Variants in PRKCA observed in about 807,000 individuals in gnomAD.
The protein encoded by PRKCA is protein kinase C alpha type.
A neutral mutation model predicts 87.0 loss-of-function variants in PRKCA; 27 were observed. That is an observed-to-expected ratio of 0.31 (90% CI 0.23 to 0.43). The LOEUF is 0.43. Ranked by LOEUF, PRKCA falls within the 20% of genes least tolerant of loss-of-function variation. The pLI is 1.00. For synonymous variants in PRKCA, 329 were observed against 311.1 expected (o/e 1.06, Z -0.61); for missense variants, 518 against 852.3 (o/e 0.61, Z 4.88).
intron 2 of PRKCA, among the ~76,000 whole-genome samples, chr17:66,321,797 G>A (rs1905683860): frequency 1.3e-5 from 2 of 152,128 alleles, no homozygotes; most frequent in South Asian, 4.1e-4. Flanking sequence ...ACCCGCCTCA[G>A]CCTCCCAAAG....
At chr17:66,676,184 C>T (rs1297994651) in intron 5 of PRKCA, among the ~76,000 whole-genome samples, 9 of 152,124 alleles carry the variant, frequency 5.9e-5, no homozygotes, top group East Asian at 3.9e-4. Flanking sequence ...AAAGTAGAGA[C>T]GCAAACAAAC....
At chr17:66,484,245 A>G (rs558264998) in intron 2 of PRKCA, among the ~76,000 whole-genome samples, 1 of 152,302 alleles carries the variant, frequency 6.6e-6, no homozygotes, top group South Asian at 2.1e-4. Context: ...CGTGGGAATT[A>G]TTTGAGCTAC....
chr17:66,532,737 A>G (rs773347222), intron 3 of PRKCA, among the ~76,000 whole-genome samples: 25 of 152,250 alleles, frequency 1.6e-4, no homozygotes, highest in Non-Finnish European at 3.1e-4. Context: ...ACTCACTAGA[A>G]TTCCTTCCAC....
chr17:66,624,826 AAAG>A (rs368402834), intron 3 of PRKCA, among the ~76,000 whole-genome samples: 16 of 151,426 alleles, frequency 1.1e-4, no homozygotes, highest in Admixed American at 8.5e-4. Context: ...AAATAAATAA[AAAG>A]AATTATTTGC....
At chr17:66,633,492 CA>C (rs1971077348) in intron 3 of PRKCA, among the ~76,000 whole-genome samples, 2 of 152,132 alleles carry the variant, frequency 1.3e-5, no homozygotes, top group East Asian at 3.9e-4. Context: ...ATGGTGACAG[CA>C]GAGAATTTCC....
chr17:66,485,328 T>TA (rs1915948501), intron 2 of PRKCA, among the ~76,000 whole-genome samples: 1 of 152,132 alleles, frequency 6.6e-6, no homozygotes. Context: ...TCCTGAAAGG[T>TA]ACATTGCTTC....
chr17:66,783,465 A>G (rs1736124904), intron 14 of PRKCA, among the ~76,000 whole-genome samples: 1 of 152,152 alleles, frequency 6.6e-6, no homozygotes, highest in Non-Finnish European at 1.5e-5. Flanking sequence ...CTTGACAGTA[A>G]AAGTCCTCCT....
chr17:66,607,013 T>C (rs1970228628), intron 3 of PRKCA, among the ~76,000 whole-genome samples: 1 of 152,208 alleles, frequency 6.6e-6, no homozygotes, highest in Admixed American at 6.5e-5. Flanking sequence ...GGTGGAGTTC[T>C]GGGAAATTTT....
intron 2 of PRKCA, among the ~76,000 whole-genome samples, chr17:66,381,694 A>G (rs1214177190): frequency 6.6e-6 from 1 of 152,230 alleles, no homozygotes; most frequent in African/African-American, 2.4e-5. Flanking sequence ...CTAAAATTTA[A>G]TAGACCATCC....
At chr17:66,732,874 C>A in intron 9 of PRKCA, 49 bp downstream of exon 9, 1 of 1,587,724 alleles carries the variant, frequency 6.3e-7, no homozygotes, top group South Asian at 1.1e-5. Context: ...CAGAGAATGT[C>A]GAATCAGTTT....
At chr17:66,478,938 G>T (rs1002753771) in intron 2 of PRKCA, among the ~76,000 whole-genome samples, 1 of 152,114 alleles carries the variant, frequency 6.6e-6, no homozygotes, top group African/African-American at 2.4e-5. Flanking sequence ...GACAACCTAG[G>T]CAACACCATT....
At position 66,688,339 on chromosome 17, in the gene PRKCA, G is replaced by A. The variant is rs199575835; in HGVS notation, c.724G>A (p.Val242Ile). Residue 242 changes from valine (V) to isoleucine (I), a missense_variant, in exon 7 of 17, where the codon GTA (valine) becomes ATA (isoleucine). This residue lies in a region of PRKCA where 300 missense variants were observed against 496.8 expected (regional missense o/e 0.60). Coordinates refer to ENST00000413366, the MANE Select transcript of PRKCA (RefSeq NM_002737.3). ...TTCAGACAAAGACCGACGACTGTCT[G>A]TAGAAATCTGGGACTGGGATCGAAC... is the stretch of plus-strand genomic sequence containing the variant. ...KPSDKDRRLS[V>I]EIWDWDRTTR... The A allele has an allele frequency of 6.1e-5, 99 of 1,614,086 alleles. No individual in the cohort carries two copies. The highest frequency in any genetic ancestry group is 8.2e-5 in the Non-Finnish European group (97 of 1,180,034).
Position 66,302,923 on chromosome 17 carries a change from G to C in PRKCA, c.72G>C (p.Gly24=). The change falls in exon 1 of 17, where the codon GGG becomes GGC. Residue 24 remains glycine (G), a synonymous_variant. Transcript: ENST00000413366. The stretch of plus-strand genomic sequence containing the variant: ...TGGCCAACCGCTTCGCCCGCAAAGG[G>C]GCGCTGAGGCAGAAGAACGTGCACG... ...QDVANRFARK[G]ALRQKNVHEV... is the part of the protein sequence containing the mutation. The C allele has an allele frequency of 6.2e-7, 1 of 1,612,526 alleles. No homozygotes were observed. Among genetic ancestry groups the C allele is most frequent in the South Asian group, 1.1e-5 (1 of 90,838 alleles).
At chr17:66,694,538 C>T (rs1301623707) in intron 8 of PRKCA, among the ~76,000 whole-genome samples, 2 of 118,848 alleles carry the variant, frequency 1.7e-5, no homozygotes, top group Non-Finnish European at 3.6e-5. Flanking sequence ...GAAGAATCAA[C>T]ACAAGTATAA....
intron 2 of PRKCA, among the ~76,000 whole-genome samples, chr17:66,444,746 G>A (rs1010498173): frequency 6.6e-6 from 1 of 152,128 alleles, no homozygotes; most frequent in Non-Finnish European, 1.5e-5. Flanking sequence ...GTTAATTTTA[G>A]CAGTTGTGAT....
At chr17:66,545,164 C>T (rs1968105963) in intron 3 of PRKCA, among the ~76,000 whole-genome samples, 1 of 152,300 alleles carries the variant, frequency 6.6e-6, no homozygotes, top group South Asian at 2.1e-4. Flanking sequence ...CGCAGTGAAT[C>T]ACGCCTGTAA....
chr17:66,572,838 A>T (rs1969120649), intron 3 of PRKCA, among the ~76,000 whole-genome samples: 2 of 152,174 alleles, frequency 1.3e-5, no homozygotes, highest in Admixed American at 1.3e-4. Flanking sequence ...TATTTTTAAA[A>T]CTAGTTTTTG....
intron 8 of PRKCA, among the ~76,000 whole-genome samples, chr17:66,712,284 T>C (rs541374996): frequency 2.6e-5 from 4 of 152,290 alleles, no homozygotes; most frequent in African/African-American, 9.6e-5. Flanking sequence ...TCCATTCTGA[T>C]GGAAGGAACT....
At chr17:66,354,785 CATAA>C (rs982434373) in intron 2 of PRKCA, among the ~76,000 whole-genome samples, 1 of 152,144 alleles carries the variant, frequency 6.6e-6, no homozygotes, top group African/African-American at 2.4e-5. Context: ...TTGCCTTGCA[CATAA>C]ATAAAGTACT....
Sources: gnomAD v4.1 joint callset for allele counts (sites outside exome capture counted in the v4.1 genomes callset) on GRCh38, gnomAD v4.1.1 for gene constraint, gnomAD v4.1.1 regional missense constraint, MANE v1.5 for transcripts, NCBI Gene and HGNC (gene_info 2026-07-23, HGNC 2026-07-21) for gene names.